Variants in KLRG1 observed in about 807,000 individuals in gnomAD.
The protein encoded by KLRG1 is killer cell lectin like receptor G1.
In KLRG1, 16 loss-of-function variants were observed where a neutral mutation model predicts 21.8. The ratio of observed to expected loss-of-function variants is 0.73; its 90% CI spans 0.50 to 1.11. The LOEUF (loss-of-function observed/expected upper bound fraction) is 1.11. Among genes scored for constraint, KLRG1 ranks in the 50% most tolerant of loss-of-function variants. KLRG1 has a pLI of 0.00. For missense variants in KLRG1, 173 were observed against 218.3 expected, an observed-to-expected ratio of 0.79 and a Z score of 1.31; for synonymous variants, 69 against 75.9, an observed-to-expected ratio of 0.91 and a Z score of 0.47.
the KLRG1 span, chr12:9,109,890 T>G: frequency 6.2e-7 from 1 of 1,609,144 alleles, no homozygotes; most frequent in Non-Finnish European, 8.5e-7. Flanking sequence ...GGTGAAAGGG[T>G]GCTCTGTCCT....
intron 1 of KLRG1, among the ~76,000 whole-genome samples, chr12:8,975,549 T>C (rs934051140): frequency 6.6e-6 from 1 of 152,138 alleles, no homozygotes; most frequent in Non-Finnish European, 1.5e-5. Flanking sequence ...TTTCACTCTT[T>C]TTTTCTTCTT....
the KLRG1 span, chr12:9,070,410 G>T: frequency 1.1e-6 from 1 of 925,512 alleles, no homozygotes; most frequent in South Asian, 1.5e-5. Context: ...ATAGTATTTT[G>T]ATATTAGTAT....
the KLRG1 span, among the ~76,000 whole-genome samples, chr12:9,084,025 T>C: frequency 6.6e-6 from 1 of 152,076 alleles, no homozygotes; most frequent in Non-Finnish European, 1.5e-5. Flanking sequence ...AGTGGAATAA[T>C]ATATTCAAAG....
chr12:8,955,991 C>T (rs1284969040), intron 1 of KLRG1, among the ~76,000 whole-genome samples: 1 of 152,160 alleles, frequency 6.6e-6, no homozygotes, highest in Non-Finnish European at 1.5e-5. Context: ...ATTCTGAGCC[C>T]ATAAAAACTC....
intron 1 of KLRG1, among the ~76,000 whole-genome samples, chr12:8,959,542 G>A (rs1241909827): frequency 6.6e-6 from 1 of 152,194 alleles, no homozygotes; most frequent in Non-Finnish European, 1.5e-5. Flanking sequence ...GGGGGGATGA[G>A]TTTGAAAAGT....
the KLRG1 span, chr12:9,069,845 T>C: frequency 5.0e-6 from 8 of 1,600,850 alleles, no homozygotes; most frequent in Admixed American, 8.3e-5. Flanking sequence ...CAAATGTTAA[T>C]AAATAGATGA....
the KLRG1 span, among the ~76,000 whole-genome samples, chr12:9,163,130 G>C: frequency 6.6e-6 from 1 of 152,064 alleles, no homozygotes; most frequent in African/African-American, 2.4e-5. Context: ...GTAAATCAAA[G>C]CTAATGGGTA....
the KLRG1 span, among the ~76,000 whole-genome samples, chr12:9,143,711 A>G: frequency 6.6e-6 from 1 of 152,164 alleles, no homozygotes; most frequent in Admixed American, 6.5e-5. Flanking sequence ...ATTAGCTGTC[A>G]TTATCTAATT....
At chr12:9,162,083 C>T in the KLRG1 span, among the ~76,000 whole-genome samples, 2 of 152,136 alleles carry the variant, frequency 1.3e-5, no homozygotes, top group Non-Finnish European at 2.9e-5. Flanking sequence ...TGCCCCAGCC[C>T]CCCATGTAGC....
the KLRG1 span, among the ~76,000 whole-genome samples, chr12:9,098,181 C>T: frequency 6.6e-6 from 1 of 152,162 alleles, no homozygotes; most frequent in African/African-American, 2.4e-5. Flanking sequence ...TGCATAACTG[C>T]ACTTCTCATA....
At chr12:9,137,168 C>T in the KLRG1 span, among the ~76,000 whole-genome samples, 38 of 152,208 alleles carry the variant, frequency 2.5e-4, no homozygotes, top group South Asian at 7.3e-3. Flanking sequence ...TCAGGCCTTA[C>T]TTTTATGTCT....
chr12:9,196,503 A>G, the KLRG1 span: 1 of 1,573,182 alleles, frequency 6.4e-7, no homozygotes, highest in African/African-American at 1.4e-5. Context: ...CTTTCTTACA[A>G]ATGACCTTTA....
At chr12:9,108,619 T>G in the KLRG1 span, among the ~76,000 whole-genome samples, 1 of 152,204 alleles carries the variant, frequency 6.6e-6, no homozygotes, top group African/African-American at 2.4e-5. Context: ...CCTAGCTGAA[T>G]AGTAGGTGTA....
At position 8,990,805 on chromosome 12, in the gene KLRG1, C is replaced by A. The variant is rs117137868; in HGVS notation, c.82+1088C>A. Among the ~76,000 whole-genome samples the A allele has an allele frequency of 8.5e-5, 13 of 152,202 alleles. No individual in the cohort carries two copies. In the East Asian group the frequency reaches 2.1e-3, roughly 25 times the overall value. ...CTTCTTGAATTGGCTTGTGGTTACA[C>A]AAATTCAATTATGGTTTGATACCTT... On this transcript the variant is annotated intron_variant, in intron 1 of 4. Transcript: ENST00000356986.
chr12:9,164,078 T>G, the KLRG1 span: 22 of 1,538,760 alleles, frequency 1.4e-5, no homozygotes, highest in African/African-American at 2.8e-5. Flanking sequence ...AAAAAAGTAC[T>G]CAGACAGCCA....
the KLRG1 span, among the ~76,000 whole-genome samples, chr12:9,180,823 T>G: frequency 6.6e-6 from 1 of 152,168 alleles, no homozygotes; most frequent in East Asian, 1.9e-4. Flanking sequence ...ACTAAAGAGC[T>G]TCTGCACAGC....
At chr12:9,099,632 C>A in the KLRG1 span, 221 of 1,303,024 alleles carry the variant, frequency 1.7e-4, 1 homozygote, top group East Asian at 5.4e-3. Flanking sequence ...ATGATTACCT[C>A]TAAGGACTCT....
chr12:9,009,328 A>G, intron 4 of KLRG1, 98 bp from the exon 5 acceptor site: 1 of 1,469,568 alleles, frequency 6.8e-7, no homozygotes, highest in Non-Finnish European at 9.2e-7. Context: ...GGGCCTGAAT[A>G]GGGAGACAGA....
chr12:9,143,624 T>C, the KLRG1 span, among the ~76,000 whole-genome samples: 1 of 152,128 alleles, frequency 6.6e-6, no homozygotes, highest in African/African-American at 2.4e-5. Flanking sequence ...AAGAACCTCC[T>C]GCCATTTGCT....
Sources: gnomAD v4.1 joint callset for allele counts (sites outside exome capture counted in the v4.1 genomes callset) on GRCh38, gnomAD v4.1.1 for gene constraint, MANE v1.5 for transcripts, NCBI Gene and HGNC (gene_info 2026-07-23, HGNC 2026-07-21) for gene names.